Variants in EREG observed in about 807,000 individuals in gnomAD.
EREG encodes proepiregulin.
A neutral mutation model predicts 22.4 loss-of-function variants in EREG; 23 were observed. That is an observed-to-expected ratio of 1.03 (90% CI 0.74 to 1.46). The LOEUF (loss-of-function observed/expected upper bound fraction) is 1.46, where lower values mean the gene tolerates loss of function less well. Ranked by LOEUF, EREG falls within the 40% of genes most tolerant of loss-of-function variation. The pLI, the probability that EREG is intolerant of heterozygous loss-of-function variation, is 0.00. For synonymous variants in EREG, 100 were observed against 75.4 expected (o/e 1.33, Z -1.69); for missense variants, 226 against 205.9 (o/e 1.10, Z -0.60).
chr4:74,369,887 G>A (rs1468083987), intron 1 of EREG, among the ~76,000 whole-genome samples: 1 of 151,498 alleles, frequency 6.6e-6, no homozygotes, highest in Non-Finnish European at 1.5e-5. Flanking sequence ...TGGATAAGAT[G>A]ATACATGAAT....
chr4:74,374,129 G>T (rs1435661765), intron 1 of EREG, among the ~76,000 whole-genome samples: 1 of 152,196 alleles, frequency 6.6e-6, no homozygotes, highest in Non-Finnish European at 1.5e-5. Context: ...CTATGATTCT[G>T]CACAAGTTTG....
chr4:74,384,740 A>C lies in EREG; in HGVS notation c.442A>C (p.Lys148Gln). 1 of 1,611,702 alleles carries C rather than the reference A, an allele frequency of 6.2e-7. No individual in the cohort carries two copies. Residue 148 changes from lysine to glutamine, a missense_variant, in exon 5 of 5, where the codon AAA (lysine) becomes CAA (glutamine). Coordinates refer to ENST00000244869, the MANE Select transcript of EREG (RefSeq NM_001432.3). ...YYFCRWYRNR[K>Q]SKEPKKEYER... is the part of the protein sequence containing the mutation. The stretch of plus-strand genomic sequence containing the variant: ...GAATATTTCCAGGTACAGAAATCGA[A>C]AAAGTAAAGAACCAAAGAAGGAATA...
rs1752438131 is a variant in EREG at position 74,379,465 on chromosome 4, G to A, written c.85G>A (p.Ala29Thr). 3.7e-6 allele frequency: 6 copies of A among 1,607,128 alleles called. No individual in the cohort carries two copies. The highest frequency in any genetic ancestry group is 5.1e-6 in the Non-Finnish European group (6 of 1,173,826). Residue 29 changes from alanine to threonine, a missense_variant, in exon 2 of 5, where the codon GCA becomes ACA. Coordinates refer to ENST00000244869, the MANE Select transcript of EREG (RefSeq NM_001432.3). ...ATAAATAGGTTTCCATCTTCTACAG[G>A]CAGTCCTCAGTACAACTGTGATTCC... ...LLCLGFHLLQ[A>T]VLSTTVIPSC...
At chr4:74,365,404 G>A (rs779081526) in intron 1 of EREG, 29 bp downstream of exon 1, 3 of 1,606,038 alleles carry the variant, frequency 1.9e-6, no homozygotes, top group East Asian at 2.2e-5. Flanking sequence ...GCTTCCGGCC[G>A]CCCCAAAGAG....
chr4:74,385,551 G>A lies in EREG; in HGVS notation c.*743G>A. The stretch of plus-strand genomic sequence containing the variant: ...TTATTTAAGTAGTGGGCATTTCATA[G>A]CTTCACAATGTTCCTTTTTTGTATA... On this transcript the variant is annotated 3_prime_UTR_variant, in exon 5 of 5. Coordinates refer to ENST00000244869, the MANE Select transcript of EREG (RefSeq NM_001432.3). 4.4e-6 allele frequency: 1 copy of A among 228,928 alleles called. No homozygotes were observed. Among genetic ancestry groups the A allele is most frequent in the Non-Finnish European group, 8.4e-6 (1 of 119,290 alleles). The allele number at this position is 228,928 out of a possible 1,614,324, so 14.2% of individuals were successfully genotyped here. A position where few individuals can be genotyped will look rare whatever the true frequency, so the allele number is the denominator to read the frequency against.
chr4:74,369,863 G>T (rs756569319), intron 1 of EREG, among the ~76,000 whole-genome samples: 11 of 151,616 alleles, frequency 7.3e-5, no homozygotes, highest in Non-Finnish European at 1.3e-4. Flanking sequence ...TCAGGTAATT[G>T]TATGTAGATT....
rs1238155988 is a variant in EREG at position 74,379,455 on chromosome 4, T to A, written c.75T>A (p.His25Gln). ...VPALLLCLGF[H>Q]LLQAVLSTTV... ...ATTTTTCTTCATAAATAGGTTTCCA[T>A]CTTCTACAGGCAGTCCTCAGTACAA... Residue 25 changes from histidine (H) to glutamine (Q), a missense_variant, in exon 2 of 5, where the codon CAT (histidine) becomes CAA (glutamine). Transcript: ENST00000244869. 4 of 1,601,378 alleles carry A rather than the reference T, an allele frequency of 2.5e-6. No homozygotes were observed. The highest frequency in any genetic ancestry group is 1.7e-5 in the Admixed American group (1 of 59,894).
intron 1 of EREG, among the ~76,000 whole-genome samples, chr4:74,372,877 G>A (rs1371015163): frequency 7.2e-6 from 1 of 138,288 alleles, no homozygotes; most frequent in African/African-American, 2.7e-5. Flanking sequence ...GGGTGATCTC[G>A]GCTCACTGCA....
chr4:74,375,306 C>CTTTTTTTTTTT (rs71219383), intron 1 of EREG, among the ~76,000 whole-genome samples: 1 of 61,014 alleles, frequency 1.6e-5, no homozygotes, highest in Non-Finnish European at 2.7e-5. Flanking sequence ...ACTAGCGATT[C>CTTTTTTTTTTT]TTTTTTTTTT....
chr4:74,379,694 T>G (rs951531427), intron 2 of EREG, among the ~76,000 whole-genome samples, 160 bp downstream of exon 2: 1 of 152,064 alleles, frequency 6.6e-6, no homozygotes, highest in African/African-American at 2.4e-5. Flanking sequence ...TCTGAAAAAA[T>G]TATATAAAGG....
chr4:74,379,297 C>T, intron 1 of EREG, 151 bp from the exon 2 acceptor site: 1 of 531,492 alleles, frequency 1.9e-6, no homozygotes, highest in Admixed American at 3.1e-5. Context: ...CTGTTACATG[C>T]CTGTTTCCAT....
chr4:74,366,752 G>A (rs1415996931), intron 1 of EREG, among the ~76,000 whole-genome samples: 1 of 152,152 alleles, frequency 6.6e-6, no homozygotes, highest in Non-Finnish European at 1.5e-5. Flanking sequence ...CCACTAGTGT[G>A]TGTGTTGTGT....
In EREG at chr4:74,370,433, T is replaced by C. The variant is rs1020039767; in HGVS notation, c.67+5058T>C. ...CAATTAGCTGCACTTTAAAAATGTA[T>C]TTAAAAATATTAAAAAAGATATTTT... On this transcript the variant is annotated intron_variant, in intron 1 of 4. Coordinates refer to ENST00000244869, the MANE Select transcript of EREG (RefSeq NM_001432.3). Among the ~76,000 whole-genome samples, 7 of 152,328 alleles carry C rather than the reference T, an allele frequency of 4.6e-5. No individual in the cohort carries two copies. The East Asian group carries it at 1.3e-3, about 29-fold the overall frequency.
chr4:74,383,288 T>C (rs1242411874), intron 4 of EREG, among the ~76,000 whole-genome samples: 1 of 152,204 alleles, frequency 6.6e-6, no homozygotes, highest in Non-Finnish European at 1.5e-5. Context: ...GCTACTGTTA[T>C]AGTTAACCAC....
chr4:74,384,784 G>A lies in EREG; in HGVS notation c.486G>A (p.Gly162=), dbSNP rs1578824178. 3 of 1,612,966 alleles carry A rather than the reference G, an allele frequency of 1.9e-6. No homozygotes were observed. The highest frequency in any genetic ancestry group is 1.1e-5 in the South Asian group (1 of 90,986). The part of the protein sequence containing the change: ...PKKEYERVTS[G]DPELPQV ...AGGAATATGAGAGAGTTACCTCAGG[G>A]GATCCAGAGTTGCCGCAAGTCTGAA... The change falls in exon 5 of 5, where the codon GGG becomes GGA. Residue 162 remains glycine (G), a synonymous_variant. Coordinates refer to ENST00000244869, the MANE Select transcript of EREG (RefSeq NM_001432.3).
intron 3 of EREG, chr4:74,382,401 A>G (rs1003425736): frequency 3.4e-5 from 13 of 384,220 alleles, no homozygotes; most frequent in Non-Finnish European, 5.6e-5. Flanking sequence ...ACCACTGTGG[A>G]CTGTCAGCCA....
chr4:74,377,201 C>T (rs1752397216), intron 1 of EREG, among the ~76,000 whole-genome samples: 1 of 151,660 alleles, frequency 6.6e-6, no homozygotes, highest in African/African-American at 2.4e-5. Flanking sequence ...CTGTATTCTC[C>T]CCAAAAATCT....
chr4:74,388,569 T>C lies in EREG; in HGVS notation c.*3761T>C, dbSNP rs1227886209. The C allele has an allele frequency of 1.3e-5, 2 of 152,614 alleles. No individual in the cohort carries two copies. The highest frequency in any genetic ancestry group is 2.9e-5 in the Non-Finnish European group (2 of 68,012). The allele number at this position is 152,614 out of a possible 1,614,324, so 9.5% of individuals were successfully genotyped here. ...GTAACTTATTTGACTATGAATGTTA[T>C]CGGATTACTGAATTGTATCAATTTG... is the stretch of plus-strand genomic sequence containing the variant. On this transcript the variant is annotated 3_prime_UTR_variant, in exon 5 of 5. Transcript: ENST00000244869.
intron 4 of EREG, among the ~76,000 whole-genome samples, chr4:74,383,266 C>T (rs1752510419): frequency 6.6e-6 from 1 of 152,068 alleles, no homozygotes; most frequent in Non-Finnish European, 1.5e-5. Flanking sequence ...GAAAGTAAAT[C>T]ATAGGATAGG....
Sources: gnomAD v4.1 joint callset for allele counts (sites outside exome capture counted in the v4.1 genomes callset) on GRCh38, gnomAD v4.1.1 for gene constraint, MANE v1.5 for transcripts, NCBI Gene and HGNC (gene_info 2026-07-23, HGNC 2026-07-21) for gene names.